SIMC1: variants seen among roughly 807,000 people sequenced by gnomAD.
SIMC1 encodes SUMO interacting motifs containing 1.
Under a neutral mutation model 82.3 loss-of-function variants are expected in SIMC1, and 55 were observed. That is an observed-to-expected ratio of 0.67 (90% confidence interval 0.54 to 0.84). SIMC1 has a LOEUF of 0.84. Ranked by LOEUF, SIMC1 falls within the 40% of genes least tolerant of loss-of-function variation. The probability of loss-of-function intolerance (pLI) is 0.00; values close to 1 mark genes in which losing one functional copy is unlikely to be tolerated. For synonymous variants in SIMC1, 353 were observed against 426.3 expected (o/e 0.83, Z 2.12); for missense variants, 915 against 1,107.2 (o/e 0.83, Z 2.46).
chr5:176,261,383 A>G (rs1208157305), intron 1 of SIMC1, among the ~76,000 whole-genome samples: 3 of 152,180 alleles, frequency 2.0e-5, no homozygotes, highest in Non-Finnish European at 4.4e-5. Context: ...TTTGTTTGTA[A>G]TTATTAAGCT....
chr5:176,256,150 A>C (rs1761845811), intron 1 of SIMC1, among the ~76,000 whole-genome samples: 1 of 152,294 alleles, frequency 6.6e-6, no homozygotes, highest in South Asian at 2.1e-4. Context: ...ACAAACAAAA[A>C]AGCTGCACTT....
chr5:176,305,962 C>A (rs1213394919), intron 4 of SIMC1, among the ~76,000 whole-genome samples: 5 of 76,372 alleles, frequency 6.5e-5, no homozygotes, highest in South Asian at 1.0e-3. Context: ...CCCGGCCAGC[C>A]GCCCCATCCG....
At position 176,314,063 on chromosome 5, in the gene SIMC1, T is replaced by C. The variant is rs567537961; in HGVS notation, c.1889+218T>C. ...GGGCGGATCATTTGAGGTCAGGAGT[T>C]CGAAACCAGCCTGGCCAACATGGCA... On this transcript the variant is annotated intron_variant, in intron 5 of 9. Transcript: ENST00000429602. 8.9e-4 allele frequency among the ~76,000 whole-genome samples: 135 copies of C among 152,214 alleles called. No individual in the cohort carries two copies. The South Asian group carries it at 0.015, about 17-fold the overall frequency.
intron 1 of SIMC1, among the ~76,000 whole-genome samples, chr5:176,276,759 C>T (rs1476896608): frequency 7.1e-6 from 1 of 140,974 alleles, no homozygotes; most frequent in Non-Finnish European, 1.6e-5. Flanking sequence ...CATCCATGTC[C>T]CTACAAAGGA....
At chr5:176,333,069 C>T (rs1765733588) in intron 7 of SIMC1, among the ~76,000 whole-genome samples, 1 of 152,158 alleles carries the variant, frequency 6.6e-6, no homozygotes. Context: ...TTTGGGAGGC[C>T]AAGGTGGGCA....
rs146465031 is a variant in SIMC1, at chr5:176,311,229, A to G, written c.1735-2462A>G. Among the ~76,000 whole-genome samples, 434 of 152,246 alleles carry G rather than the reference A, an allele frequency of 2.9e-3. 1 individual carries two copies. The highest frequency in any genetic ancestry group is 0.01 in the Middle Eastern group (3 of 294). On this transcript the variant is annotated intron_variant, in intron 4 of 9. Coordinates refer to ENST00000429602, the MANE Select transcript of SIMC1 (RefSeq NM_001308195.2). ...TGGCTGAATTTTATGGTATGCTAAT[A>G]AAGTTGTTTTATTTATTTATTTTTG...
At chr5:176,343,419 C>T (rs11134973) in intron 9 of SIMC1, among the ~76,000 whole-genome samples, 79,625 of 151,540 alleles carry the variant, frequency 0.53, 21,063 homozygotes, top group Non-Finnish European at 0.57. Flanking sequence ...TGCTCATTTG[C>T]CTCAATTCCA....
chr5:176,344,210 C>T (rs1766290708), intron 9 of SIMC1, among the ~76,000 whole-genome samples: 1 of 152,154 alleles, frequency 6.6e-6, no homozygotes, highest in Non-Finnish European at 1.5e-5. Context: ...CTGTACTTGG[C>T]AGTCATACTC....
chr5:176,345,160 A>G lies in SIMC1; in HGVS notation c.2414-23A>G, dbSNP rs76225361. ...ATTAAAAAGCAGTTCAGAGCACCCA[A>G]CTGACTTTTTTCCCTCTTGCAGAAC... On this transcript the variant is annotated intron_variant, in intron 9 of 9. Coordinates refer to ENST00000429602, the MANE Select transcript of SIMC1 (RefSeq NM_001308195.2). The G allele has an allele frequency of 3.7e-4, 601 of 1,604,972 alleles. 4 individuals carry two copies. The East Asian group carries it at 0.013, about 34-fold the overall frequency.
chr5:176,276,702 G>A (rs1392004848), intron 1 of SIMC1, among the ~76,000 whole-genome samples: 2 of 142,416 alleles, frequency 1.4e-5, no homozygotes, highest in African/African-American at 5.2e-5. Context: ...GCGGTGTTTG[G>A]TTTTTTGTTC....
intron 7 of SIMC1, among the ~76,000 whole-genome samples, chr5:176,327,506 T>A (rs1561727415): frequency 6.6e-6 from 1 of 152,168 alleles, no homozygotes; most frequent in Non-Finnish European, 1.5e-5. Flanking sequence ...TTCCTTAGGA[T>A]TCTCTACATA....
intron 1 of SIMC1, among the ~76,000 whole-genome samples, chr5:176,279,144 T>C (rs1762859701): frequency 6.6e-6 from 1 of 152,228 alleles, no homozygotes; most frequent in African/African-American, 2.4e-5. Context: ...TATTGGTCTA[T>C]TCAGAGATTC....
At chr5:176,250,014 G>T (rs959588808) in intron 1 of SIMC1, among the ~76,000 whole-genome samples, 4 of 151,924 alleles carry the variant, frequency 2.6e-5, no homozygotes, top group African/African-American at 7.3e-5. Context: ...TGATGTTAGG[G>T]TATCAATTTT....
intron 4 of SIMC1, among the ~76,000 whole-genome samples, chr5:176,297,226 C>T (rs1345102324): frequency 6.6e-6 from 1 of 152,086 alleles, no homozygotes; most frequent in Non-Finnish European, 1.5e-5. Flanking sequence ...TGAGGCCAGG[C>T]GTGGTGGCTC....
intron 9 of SIMC1, among the ~76,000 whole-genome samples, chr5:176,344,571 G>A (rs1013991536): frequency 1.3e-5 from 2 of 152,072 alleles, no homozygotes; most frequent in Admixed American, 6.5e-5. Context: ...TGTACAGGAG[G>A]CATAGTGGCC....
chr5:176,264,114 C>T (rs1211440774), intron 1 of SIMC1, among the ~76,000 whole-genome samples: 2 of 152,254 alleles, frequency 1.3e-5, no homozygotes, highest in Non-Finnish European at 2.9e-5. Flanking sequence ...GGCAGCCCCA[C>T]CCCTTGGCTT....
At chr5:176,246,525 A>G (rs1219923389) in intron 1 of SIMC1, among the ~76,000 whole-genome samples, 3 of 148,804 alleles carry the variant, frequency 2.0e-5, no homozygotes, top group Non-Finnish European at 4.5e-5. Flanking sequence ...TGCAACCTCC[A>G]CTTCCCGGGT....
At chr5:176,332,521 C>A (rs1336979858) in intron 7 of SIMC1, among the ~76,000 whole-genome samples, 2 of 152,070 alleles carry the variant, frequency 1.3e-5, no homozygotes, top group African/African-American at 2.4e-5. Context: ...AACTCCCGAC[C>A]TCAGGTTATC....
chr5:176,306,337 G>A, intron 4 of SIMC1, among the ~76,000 whole-genome samples: 2 of 140,530 alleles, frequency 1.4e-5, no homozygotes, highest in African/African-American at 2.5e-5. Flanking sequence ...GGGAGGTGAG[G>A]GGCACCTCTG....
Sources: gnomAD v4.1 joint callset for allele counts (sites outside exome capture counted in the v4.1 genomes callset) on GRCh38, gnomAD v4.1.1 for gene constraint, MANE v1.5 for transcripts, NCBI Gene and HGNC (gene_info 2026-07-23, HGNC 2026-07-21) for gene names.